Variants in SLC15A5 observed in about 807,000 individuals in gnomAD.
The protein encoded by SLC15A5 is solute carrier family 15 member 5.
SLC15A5 carries 58 observed loss-of-function variants against 56.1 expected under a neutral mutation model. The observed-to-expected ratio is 1.03, with a 90% CI of 0.84 to 1.29. SLC15A5 has a LOEUF of 1.29. SLC15A5 is among the 50% of genes most tolerant of loss of function. SLC15A5 has a pLI of 0.00. For missense variants in SLC15A5, 681 were observed against 672.1 expected (o/e 1.01, Z -0.15); for synonymous variants, 264 against 250.5 (o/e 1.05, Z -0.51).
At chr12:16,259,024 C>CTTTTTTT (rs5796661) in intron 2 of SLC15A5, among the ~76,000 whole-genome samples, 20 of 63,216 alleles carry the variant, frequency 3.2e-4, no homozygotes, top group Admixed American at 7.5e-4. Context: ...TCTTTCTTTC[C>CTTTTTTT]TTTTTTTTTT....
chr12:16,193,804 A>AG (rs1565654485), intron 8 of SLC15A5, among the ~76,000 whole-genome samples: 1 of 43,104 alleles, frequency 2.3e-5, no homozygotes, highest in Admixed American at 2.3e-4. Context: ...AGAGAGAGAG[A>AG]GAGAGAGAGA....
At chr12:16,258,566 C>T (rs991120956) in intron 2 of SLC15A5, among the ~76,000 whole-genome samples, 6 of 152,114 alleles carry the variant, frequency 3.9e-5, no homozygotes, top group East Asian at 1.9e-4. Flanking sequence ...AAAAAATTGA[C>T]GTAAAATTAA....
chr12:16,206,223 T>G (rs991427627), intron 7 of SLC15A5, among the ~76,000 whole-genome samples: 1 of 152,196 alleles, frequency 6.6e-6, no homozygotes, highest in African/African-American at 2.4e-5. Context: ...CGTATGCAAC[T>G]CTCTGACCTC....
intron 7 of SLC15A5, among the ~76,000 whole-genome samples, chr12:16,212,596 G>A (rs1864094452): frequency 6.6e-6 from 1 of 152,144 alleles, no homozygotes. Context: ...ATAGTAATTA[G>A]GTGAATTGGG....
chr12:16,217,177 T>C (rs1177068616), intron 6 of SLC15A5, among the ~76,000 whole-genome samples, 153 bp from the exon 7 acceptor site: 2 of 152,204 alleles, frequency 1.3e-5, no homozygotes, highest in South Asian at 2.1e-4. Flanking sequence ...TAGTAAGATA[T>C]ACTGTGTTAC....
At chr12:16,202,553 A>C (rs1403589966) in intron 7 of SLC15A5, among the ~76,000 whole-genome samples, 1 of 152,140 alleles carries the variant, frequency 6.6e-6, no homozygotes, top group Non-Finnish European at 1.5e-5. Context: ...AGTAAACTAA[A>C]AATAGCATTA....
intron 7 of SLC15A5, among the ~76,000 whole-genome samples, chr12:16,212,563 T>C (rs1047437819): frequency 1.3e-5 from 2 of 152,158 alleles, no homozygotes; most frequent in Non-Finnish European, 2.9e-5. Context: ...TAGTGAATGA[T>C]GGAGAAGTAT....
intron 5 of SLC15A5, among the ~76,000 whole-genome samples, chr12:16,227,618 A>G (rs1367536029): frequency 2.0e-5 from 3 of 152,206 alleles, no homozygotes; most frequent in Non-Finnish European, 2.9e-5. Flanking sequence ...GATTTTCAGG[A>G]TGATGAGACG....
At chr12:16,204,369 ATTGCTTGAACCCGGGAGGCAGAGG>A (rs1248899126) in intron 7 of SLC15A5, among the ~76,000 whole-genome samples, 2 of 151,690 alleles carry the variant, frequency 1.3e-5, no homozygotes, top group East Asian at 3.9e-4. Context: ...AGTTGTGAGA[ATTGCTTGAACCCGGGAGGCAGAGG>A]TTGCAGCACT....
intron 2 of SLC15A5, among the ~76,000 whole-genome samples, chr12:16,268,675 G>T (rs1191829032): frequency 6.6e-6 from 1 of 152,048 alleles, no homozygotes; most frequent in Admixed American, 6.6e-5. Flanking sequence ...CTATAAAATT[G>T]TCAGAAAGTT....
At position 16,271,842 on chromosome 12, in the gene SLC15A5, C is replaced by T. The variant is rs1462051772; in HGVS notation, c.584+719G>A. ...TTGTTTCCTTAAAAAACACAAAAAC[C>T]GACGAACTCCATAAGAACTCGTTGG... On this transcript the variant is annotated intron_variant, in intron 2 of 8. Transcript: ENST00000344941. This position sits in a 1 kb window ranked among gnomAD's most constrained non-coding sequence, Gnocchi z 8.0. Among the ~76,000 whole-genome samples, 1 of 151,960 alleles carries T rather than the reference C, an allele frequency of 6.6e-6. No individual in the cohort carries two copies. Among genetic ancestry groups the T allele is most frequent in the Non-Finnish European group, 1.5e-5 (1 of 67,976 alleles).
chr12:16,205,996 G>A (rs886898371), intron 7 of SLC15A5, among the ~76,000 whole-genome samples: 5 of 152,044 alleles, frequency 3.3e-5, no homozygotes, highest in African/African-American at 1.2e-4. Context: ...CAAAATTGTC[G>A]AGACAAAACT....
chr12:16,255,323 G>T (rs1256337576), intron 3 of SLC15A5, among the ~76,000 whole-genome samples: 1 of 151,968 alleles, frequency 6.6e-6, no homozygotes, highest in Non-Finnish European at 1.5e-5. Flanking sequence ...AATTCAAAAT[G>T]CTCTAAGGCA....
rs947028455 is a variant in SLC15A5, at chr12:16,267,549, T to C, written c.584+5012A>G. Among the ~76,000 whole-genome samples, 6 of 113,914 alleles carry C rather than the reference T, an allele frequency of 5.3e-5. 1 individual carries two copies. The highest frequency in any genetic ancestry group is 1.1e-4 in the Non-Finnish European group (6 of 53,878). The allele number at this position is 113,914 out of a possible 152,430, so 74.7% of individuals were successfully genotyped here. ...AAATATTGATTTTGGTAACTAGACA[T>C]TAGGATTGAAGAAGTTAAGTTTTTA... On this transcript the variant is annotated intron_variant, in intron 2 of 8. Transcript: ENST00000344941.
chr12:16,257,389 T>C (rs1369818383), intron 3 of SLC15A5, among the ~76,000 whole-genome samples: 1 of 152,170 alleles, frequency 6.6e-6, no homozygotes, highest in Non-Finnish European at 1.5e-5. Context: ...TTATCTACTT[T>C]TGTTTATGCT....
At chr12:16,276,899 A>T (rs1439631904) in intron 1 of SLC15A5, among the ~76,000 whole-genome samples, 1 of 152,084 alleles carries the variant, frequency 6.6e-6, no homozygotes, top group Non-Finnish European at 1.5e-5. Context: ...CCACCTTTGG[A>T]TAAAAACATT....
chr12:16,267,584 T>C (rs61916978), intron 2 of SLC15A5, among the ~76,000 whole-genome samples: 30,171 of 110,814 alleles, frequency 0.27, 10,777 homozygotes, highest in Non-Finnish European at 0.38. Context: ...AATTTAAAAA[T>C]TTGGGGGACT....
At chr12:16,224,162 C>A (rs1370066830) in intron 6 of SLC15A5, among the ~76,000 whole-genome samples, 1 of 152,074 alleles carries the variant, frequency 6.6e-6, no homozygotes, top group Non-Finnish European at 1.5e-5. Context: ...ATGGTTATTG[C>A]CTTTAACCAG....
Position 16,237,489 on chromosome 12 carries a change from AG to A in SLC15A5, c.1162+2191del, listed in dbSNP as rs1042693709. Among the ~76,000 whole-genome samples the A allele has an allele frequency of 1.3e-5, 2 of 152,140 alleles. No individual in the cohort carries two copies. The highest frequency in any genetic ancestry group is 4.8e-5 in the African/African-American group (2 of 41,434). ...CAATAGGTCTTGTTACCAATCTTGA[AG>A]GGGAATATTTAATTCATTAACAACA... On this transcript the variant is annotated intron_variant, in intron 5 of 8. Transcript: ENST00000344941. The surrounding 1 kb of genome is among the most constrained non-coding windows in gnomAD (Gnocchi z 4.1).
Sources: allele counts gnomAD v4.1 joint callset (sites outside exome capture counted in the v4.1 genomes callset), GRCh38; gene constraint gnomAD v4.1.1; non-coding constraint Gnocchi (gnomAD v3.1); transcripts MANE v1.5; gene names NCBI Gene and HGNC (gene_info 2026-07-23, HGNC 2026-07-21).